The following EXOC4 variants were observed in gnomAD, a reference collection of about 807,000 sequenced individuals.
EXOC4 encodes the protein SEC8-like 1.
Under a neutral mutation model 107.2 loss-of-function variants are expected in EXOC4, and 71 were observed. The ratio of observed to expected loss-of-function variants is 0.66; its 90% CI spans 0.55 to 0.81. The LOEUF (loss-of-function observed/expected upper bound fraction) is 0.81. EXOC4 is among the 30% of genes least tolerant of loss of function. The pLI, the probability that EXOC4 is intolerant of heterozygous loss-of-function variation, is 0.00. For missense variants in EXOC4, 1,108 were observed against 1,189.6 expected, an observed-to-expected ratio of 0.93 and a Z score of 1.01; for synonymous variants, 456 against 441.2, an observed-to-expected ratio of 1.03 and a Z score of -0.42.
chr7:133,858,835 C>T (rs1253099180), intron 11 of EXOC4, among the ~76,000 whole-genome samples: 1 of 152,096 alleles, frequency 6.6e-6, no homozygotes, highest in Non-Finnish European at 1.5e-5. Flanking sequence ...GTCTTAGGTA[C>T]CTCTATGCTT....
intron 10 of EXOC4, among the ~76,000 whole-genome samples, chr7:133,668,413 A>G (rs1220378194): frequency 6.6e-6 from 1 of 152,176 alleles, no homozygotes; most frequent in Non-Finnish European, 1.5e-5. Flanking sequence ...TTTTTCTTGT[A>G]AATAGATTAT....
At chr7:133,364,517 CTACTCACAGTGGGTCTA>C (rs1796208981) in intron 6 of EXOC4, among the ~76,000 whole-genome samples, 6 of 152,082 alleles carry the variant, frequency 3.9e-5, no homozygotes, top group Admixed American at 3.9e-4. Flanking sequence ...ATTTTCAGCA[CTACTCACAGTGGGTCTA>C]TGGACCCACA....
At chr7:133,488,598 CAAAG>C (rs1283480029) in intron 9 of EXOC4, among the ~76,000 whole-genome samples, 1 of 151,890 alleles carries the variant, frequency 6.6e-6, no homozygotes, top group Non-Finnish European at 1.5e-5. Context: ...AGGAAAAAAA[CAAAG>C]AAATTGGATT....
the EXOC4 span, among the ~76,000 whole-genome samples, chr7:134,100,572 G>C: frequency 2.3e-5 from 3 of 129,468 alleles, 1 homozygote; most frequent in African/African-American, 8.0e-5. Flanking sequence ...GGTTCTACTG[G>C]AACCACGGTC....
At chr7:133,330,336 A>T (rs1348302783) in intron 5 of EXOC4, among the ~76,000 whole-genome samples, 1 of 151,686 alleles carries the variant, frequency 6.6e-6, no homozygotes, top group Non-Finnish European at 1.5e-5. Context: ...AGAATTTCAA[A>T]CCACTAGATC....
At chr7:133,982,422 G>C (rs1377261906) in intron 14 of EXOC4, among the ~76,000 whole-genome samples, 1 of 152,106 alleles carries the variant, frequency 6.6e-6, no homozygotes, top group African/African-American at 2.4e-5. Context: ...CGTGGTGGCG[G>C]GTGCTTGTAG....
At chr7:133,717,755 T>G (rs1795028171) in intron 10 of EXOC4, among the ~76,000 whole-genome samples, 1 of 152,238 alleles carries the variant, frequency 6.6e-6, no homozygotes, top group African/African-American at 2.4e-5. Context: ...TTGAAGTTAC[T>G]AAATATAAGG....
chr7:134,070,379 G>A (rs898390865), downstream of EXOC4, among the ~76,000 whole-genome samples: 1 of 152,190 alleles, frequency 6.6e-6, no homozygotes, highest in African/African-American at 2.4e-5. Flanking sequence ...ATTTTGAAGA[G>A]GTGTAGTAAG....
chr7:133,797,813 T>C (rs1344294706), intron 10 of EXOC4, among the ~76,000 whole-genome samples: 1 of 152,242 alleles, frequency 6.6e-6, no homozygotes. Flanking sequence ...GCACTTGCAA[T>C]GTGCTAGGCA....
At chr7:133,332,635 G>A (rs898147750) in intron 5 of EXOC4, among the ~76,000 whole-genome samples, 2 of 152,310 alleles carry the variant, frequency 1.3e-5, no homozygotes, top group Middle Eastern at 3.4e-3. Context: ...AAATATATTT[G>A]TATATTTTCC....
chr7:133,477,988 TGAGTA>T (rs1799059107), intron 8 of EXOC4, among the ~76,000 whole-genome samples: 3 of 152,210 alleles, frequency 2.0e-5, no homozygotes, highest in South Asian at 2.1e-4. Flanking sequence ...AGCACATGGC[TGAGTA>T]AAGAGCAAGG....
chr7:134,020,122 A>G (rs1218336457), intron 17 of EXOC4, among the ~76,000 whole-genome samples: 2 of 152,210 alleles, frequency 1.3e-5, no homozygotes, highest in African/African-American at 4.8e-5. Flanking sequence ...ATCCAAATGC[A>G]TACACCTGTG....
chr7:133,313,883 T>A (rs188219132), intron 4 of EXOC4, among the ~76,000 whole-genome samples: 1 of 152,286 alleles, frequency 6.6e-6, no homozygotes, highest in Admixed American at 6.5e-5. Flanking sequence ...ATATAATTGG[T>A]AATTTTGGGG....
At chr7:133,607,618 A>G (rs1274145555) in intron 9 of EXOC4, among the ~76,000 whole-genome samples, 1 of 152,216 alleles carries the variant, frequency 6.6e-6, no homozygotes, top group Non-Finnish European at 1.5e-5. Flanking sequence ...GTTGTACATA[A>G]AAGAGATCAG....
chr7:134,097,261 A>T, the EXOC4 span, among the ~76,000 whole-genome samples: 2 of 152,038 alleles, frequency 1.3e-5, no homozygotes, highest in African/African-American at 4.8e-5. Flanking sequence ...CTGGTTAGAG[A>T]TCAACTGTCT....
chr7:133,578,673 T>A (rs1801185996), intron 9 of EXOC4, among the ~76,000 whole-genome samples: 1 of 152,188 alleles, frequency 6.6e-6, no homozygotes, highest in Non-Finnish European at 1.5e-5. Context: ...ACTATTAGTT[T>A]TATAAAACAG....
chr7:133,332,572 G>A (rs1312280139), intron 5 of EXOC4, among the ~76,000 whole-genome samples: 8 of 152,126 alleles, frequency 5.3e-5, no homozygotes, highest in African/African-American at 1.9e-4. Context: ...GTGAGATCTT[G>A]TATCTACCAA....
intron 7 of EXOC4, among the ~76,000 whole-genome samples, chr7:133,444,994 A>G (rs1457030539): frequency 2.0e-5 from 3 of 152,100 alleles, no homozygotes; most frequent in African/African-American, 7.2e-5. Context: ...AATAGAACAG[A>G]TTTTTTGTTG....
chr7:133,506,210 G>T (rs1392179851), intron 9 of EXOC4, among the ~76,000 whole-genome samples: 1 of 152,094 alleles, frequency 6.6e-6, no homozygotes. Flanking sequence ...GTTTTAAGTT[G>T]TAGATGGCAC....
Sources: allele counts gnomAD v4.1 joint callset (sites outside exome capture counted in the v4.1 genomes callset), GRCh38; gene constraint gnomAD v4.1.1; transcripts MANE v1.5; gene names NCBI Gene and HGNC (gene_info 2026-07-23, HGNC 2026-07-21).